DAPP1: variants seen among roughly 807,000 people sequenced by gnomAD.
The protein encoded by DAPP1 is dual adapter for phosphotyrosine and 3-phosphotyrosine and 3-phosphoinositide.
Under a neutral mutation model 41.5 loss-of-function variants are expected in DAPP1, and 20 were observed. The ratio of observed to expected loss-of-function variants is 0.48; its 90% CI spans 0.34 to 0.70. DAPP1 has a LOEUF of 0.70. Ranked by LOEUF, DAPP1 falls within the 30% of genes least tolerant of loss-of-function variation. The pLI, the probability that DAPP1 is intolerant of heterozygous loss-of-function variation, is 0.01. For synonymous variants in DAPP1, 113 were observed against 116.2 expected (o/e 0.97, Z 0.18); for missense variants, 233 against 333.4 (o/e 0.70, Z 2.35).
At chr4:99,852,556 G>A (rs952050669) in intron 3 of DAPP1, among the ~76,000 whole-genome samples, 2 of 152,164 alleles carry the variant, frequency 1.3e-5, no homozygotes, top group Non-Finnish European at 2.9e-5. Flanking sequence ...CAGATGGAAG[G>A]GGAAGGAGGC....
chr4:99,866,430 G>C, intron 8 of DAPP1: 1 of 693,836 alleles, frequency 1.4e-6, no homozygotes, highest in Non-Finnish European at 2.6e-6. Context: ...GGGACATTTA[G>C]AACCAGAAGG....
At chr4:99,819,120 T>C (rs1722685559) in intron 1 of DAPP1, among the ~76,000 whole-genome samples, 1 of 152,230 alleles carries the variant, frequency 6.6e-6, no homozygotes, top group African/African-American at 2.4e-5. Context: ...ATTGAGGTTA[T>C]TTTACATATC....
chr4:99,850,409 C>CA (rs201106157), intron 3 of DAPP1, among the ~76,000 whole-genome samples: 48 of 137,068 alleles, frequency 3.5e-4, no homozygotes, highest in African/African-American at 4.6e-4. Flanking sequence ...GACTCCGCCT[C>CA]AAAAAAAAAA....
At chr4:99,825,931 A>G (rs138655504) in intron 1 of DAPP1, among the ~76,000 whole-genome samples, 1 of 152,290 alleles carries the variant, frequency 6.6e-6, no homozygotes, top group Non-Finnish European at 1.5e-5. Context: ...GTTACATAAG[A>G]CACCCTAAAC....
chr4:99,862,150 T>C (rs1053090580), intron 5 of DAPP1, among the ~76,000 whole-genome samples: 7 of 152,182 alleles, frequency 4.6e-5, no homozygotes, highest in Non-Finnish European at 7.4e-5. Context: ...AAGACCTTCA[T>C]GGAATGTGTC....
At chr4:99,838,202 T>C (rs1470135124) in intron 2 of DAPP1, among the ~76,000 whole-genome samples, 1 of 152,196 alleles carries the variant, frequency 6.6e-6, no homozygotes, top group Non-Finnish European at 1.5e-5. Flanking sequence ...TCATAAGCTT[T>C]TTATAAATCA....
At chr4:99,841,224 T>C (rs1178314871) in intron 3 of DAPP1, among the ~76,000 whole-genome samples, 2 of 152,216 alleles carry the variant, frequency 1.3e-5, no homozygotes, top group East Asian at 1.9e-4. Flanking sequence ...TGTACATACG[T>C]GTTTTCTTGG....
At chr4:99,831,572 G>T (rs1723121544) in intron 1 of DAPP1, among the ~76,000 whole-genome samples, 1 of 152,140 alleles carries the variant, frequency 6.6e-6, no homozygotes, top group African/African-American at 2.4e-5. Flanking sequence ...AAACAATTCT[G>T]CAGTGAACAC....
intron 8 of DAPP1, among the ~76,000 whole-genome samples, chr4:99,867,724 C>T (rs941278634): frequency 6.6e-5 from 10 of 152,218 alleles, no homozygotes; most frequent in African/African-American, 2.4e-4. Flanking sequence ...ATACAAACTC[C>T]AAACAAAACA....
intron 8 of DAPP1, chr4:99,866,677 G>C (rs2110171010): frequency 1.3e-6 from 1 of 749,006 alleles, no homozygotes; most frequent in Admixed American, 1.8e-5. Context: ...TTGCAAGTTA[G>C]TGAGTTCTTA....
At chr4:99,818,389 C>T (rs925128342) in intron 1 of DAPP1, among the ~76,000 whole-genome samples, 15 of 152,328 alleles carry the variant, frequency 9.8e-5, no homozygotes, top group Non-Finnish European at 2.1e-4. Flanking sequence ...TTTACATGTT[C>T]TGTTAACTGT....
chr4:99,851,904 A>G (rs1400806278), intron 3 of DAPP1, among the ~76,000 whole-genome samples: 1 of 151,650 alleles, frequency 6.6e-6, no homozygotes, highest in Admixed American at 6.6e-5. Context: ...ACCACAGAGG[A>G]GACATTTTTC....
intron 3 of DAPP1, among the ~76,000 whole-genome samples, chr4:99,842,665 A>C (rs1723532606): frequency 6.6e-6 from 1 of 152,214 alleles, no homozygotes; most frequent in African/African-American, 2.4e-5. Flanking sequence ...AAATTCCTCA[A>C]GGTTACGGAG....
At chr4:99,844,698 A>G (rs1314438852) in intron 3 of DAPP1, 6 of 152,204 alleles carry the variant, frequency 3.9e-5, no homozygotes, top group African/African-American at 9.6e-5. Context: ...GTCAAGTTCT[A>G]TGTTTGTGCT....
chr4:99,819,998 G>T (rs1301256171), intron 1 of DAPP1, among the ~76,000 whole-genome samples: 1 of 152,154 alleles, frequency 6.6e-6, no homozygotes, highest in Non-Finnish European at 1.5e-5. Context: ...CATTTATAGA[G>T]TGTCAGCCTA....
chr4:99,824,315 A>G (rs1722867460), intron 1 of DAPP1, among the ~76,000 whole-genome samples: 1 of 152,208 alleles, frequency 6.6e-6, no homozygotes, highest in Non-Finnish European at 1.5e-5. Flanking sequence ...AAGTTGAGTC[A>G]AGGCCAAGAC....
chr4:99,817,105 G>C (rs1722614132), intron 1 of DAPP1, 91 bp downstream of exon 1: 9 of 922,860 alleles, frequency 9.8e-6, no homozygotes, highest in Non-Finnish European at 1.5e-5. Context: ...ACTATCTTCA[G>C]TGCCTTGTTG....
At chr4:99,822,561 G>A (rs1722808467) in intron 1 of DAPP1, among the ~76,000 whole-genome samples, 1 of 152,164 alleles carries the variant, frequency 6.6e-6, no homozygotes, top group Non-Finnish European at 1.5e-5. Flanking sequence ...GAATAAAGGA[G>A]TGATGGTAGC....
chr4:99,830,974 A>AT (rs200100567), intron 1 of DAPP1, among the ~76,000 whole-genome samples: 3,517 of 152,266 alleles, frequency 0.023, 56 homozygotes, highest in Middle Eastern at 0.034. Flanking sequence ...ATAGAAATCT[A>AT]TTTTTTTCAT....
Sources: gnomAD v4.1 joint callset for allele counts (sites outside exome capture counted in the v4.1 genomes callset) on GRCh38, gnomAD v4.1.1 for gene constraint, MANE v1.5 for transcripts, NCBI Gene and HGNC (gene_info 2026-07-23, HGNC 2026-07-21) for gene names.